The following NPFFR2 variants were observed in gnomAD, a reference collection of about 807,000 sequenced individuals.
NPFFR2 encodes the protein G-protein coupled receptor 74.
In NPFFR2, 15 loss-of-function variants were observed where a neutral mutation model predicts 13.1. The observed-to-expected ratio is 1.15, with a 90% CI of 0.77 to 1.76. The LOEUF is 1.76. Ranked by LOEUF, NPFFR2 falls within the 40% of genes most tolerant of loss-of-function variation. The pLI is 0.00. For missense variants in NPFFR2, 572 were observed against 503.5 expected (o/e 1.14, Z -1.30); for synonymous variants, 190 against 175.7 (o/e 1.08, Z -0.65).
chr4:72,140,281 C>T (rs1027970174), intron 3 of NPFFR2, among the ~76,000 whole-genome samples: 19 of 152,194 alleles, frequency 1.2e-4, no homozygotes, highest in African/African-American at 4.6e-4. Flanking sequence ...TTGGCCAGAA[C>T]TTCCAACACT....
intron 1 of NPFFR2, among the ~76,000 whole-genome samples, chr4:72,052,522 A>G (rs987735561): frequency 3.9e-5 from 6 of 152,014 alleles, no homozygotes; most frequent in Non-Finnish European, 7.4e-5. Flanking sequence ...ATCTATGACA[A>G]ACCCACAGCC....
At chr4:72,073,775 T>G (rs1039657952) in intron 1 of NPFFR2, among the ~76,000 whole-genome samples, 3 of 152,022 alleles carry the variant, frequency 2.0e-5, no homozygotes, top group African/African-American at 7.2e-5. Flanking sequence ...TGCAGAATTT[T>G]TATGTTATTA....
At chr4:72,113,939 C>G (rs1006031604) in intron 1 of NPFFR2, among the ~76,000 whole-genome samples, 19 of 152,026 alleles carry the variant, frequency 1.2e-4, no homozygotes, top group African/African-American at 4.6e-4. Flanking sequence ...TATTATAAAT[C>G]CTTAGGGTCT....
intron 1 of NPFFR2, among the ~76,000 whole-genome samples, chr4:72,038,072 A>G (rs574548782): frequency 6.6e-6 from 1 of 152,166 alleles, no homozygotes; most frequent in Non-Finnish European, 1.5e-5. Flanking sequence ...TCCTCCTTTG[A>G]CACCCTCGAG....
chr4:72,134,046 C>T (rs780435192), intron 2 of NPFFR2, among the ~76,000 whole-genome samples: 5 of 152,142 alleles, frequency 3.3e-5, no homozygotes, highest in Admixed American at 6.5e-5. Context: ...AGACAGATCA[C>T]TTGAGGCCAG....
intron 1 of NPFFR2, among the ~76,000 whole-genome samples, chr4:72,095,958 A>G (rs1219074940): frequency 6.7e-6 from 1 of 150,248 alleles, no homozygotes; most frequent in Non-Finnish European, 1.5e-5. Flanking sequence ...CCTGATGTCT[A>G]GTGTTTTAGA....
chr4:72,108,060 G>C (rs1348858069), intron 1 of NPFFR2, among the ~76,000 whole-genome samples: 1 of 151,910 alleles, frequency 6.6e-6, no homozygotes, highest in Non-Finnish European at 1.5e-5. Context: ...GGTGACTTAG[G>C]ACCCTCCTTC....
At chr4:72,104,069 T>C (rs1721337552) in intron 1 of NPFFR2, among the ~76,000 whole-genome samples, 1 of 152,038 alleles carries the variant, frequency 6.6e-6, no homozygotes, top group East Asian at 1.9e-4. Context: ...AGTCCAGAAA[T>C]TGTGAAAAAC....
chr4:72,081,754 A>T (rs1397058719), intron 1 of NPFFR2, among the ~76,000 whole-genome samples: 1 of 152,040 alleles, frequency 6.6e-6, no homozygotes, highest in Non-Finnish European at 1.5e-5. Context: ...GCCTCCAGAA[A>T]TGCTAGGATT....
At chr4:72,059,012 ACT>A (rs1719842365) in intron 1 of NPFFR2, among the ~76,000 whole-genome samples, 1 of 151,980 alleles carries the variant, frequency 6.6e-6, no homozygotes, top group African/African-American at 2.4e-5. Context: ...AATTAATGGA[ACT>A]CTCTTTCCCT....
At chr4:72,121,212 A>C (rs1360912738) in intron 1 of NPFFR2, among the ~76,000 whole-genome samples, 1 of 152,252 alleles carries the variant, frequency 6.6e-6, no homozygotes, top group Middle Eastern at 3.4e-3. Flanking sequence ...AAAAGAATGA[A>C]AAGGAACAAA....
At chr4:72,039,436 T>C (rs1719143570) in intron 1 of NPFFR2, 1 of 972,326 alleles carries the variant, frequency 1.0e-6, no homozygotes, top group African/African-American at 1.8e-5. Context: ...AATTGGGTTC[T>C]ATTATGTTAG....
rs540086455 is a variant in NPFFR2, at chr4:72,101,623, G to A, written c.-7-26962G>A. Among the ~76,000 whole-genome samples, 27 of 152,036 alleles carry A rather than the reference G, an allele frequency of 1.8e-4. No homozygotes were observed. In the South Asian group the frequency reaches 5.4e-3, roughly 30 times the overall value. On this transcript the variant is annotated intron_variant, in intron 1 of 3. Coordinates refer to ENST00000308744, the MANE Select transcript of NPFFR2 (RefSeq NM_004885.3). Reference sequence around the variant, plus strand: ...ATTAGTTGATAAAAATTTCCTAGATGAGATAAAATTTAAGTTAGGAGTTCA... The same window carrying A: ...ATTAGTTGATAAAAATTTCCTAGATAAGATAAAATTTAAGTTAGGAGTTCA...
At chr4:72,045,663 A>G (rs1719358896) in intron 1 of NPFFR2, among the ~76,000 whole-genome samples, 1 of 152,206 alleles carries the variant, frequency 6.6e-6, no homozygotes, top group Non-Finnish European at 1.5e-5. Flanking sequence ...ATTAGCCTAC[A>G]GTTGGGCAAA....
chr4:72,078,596 G>A (rs1288355735), intron 1 of NPFFR2, among the ~76,000 whole-genome samples: 1 of 152,182 alleles, frequency 6.6e-6, no homozygotes, highest in East Asian at 1.9e-4. Flanking sequence ...GACTAGAATA[G>A]CTAAAACAAC....
intron 1 of NPFFR2, among the ~76,000 whole-genome samples, chr4:72,091,204 T>G (rs1477360173): frequency 6.6e-6 from 1 of 152,108 alleles, no homozygotes; most frequent in Non-Finnish European, 1.5e-5. Flanking sequence ...AGGCGTATTA[T>G]CTTTTTGATA....
chr4:72,097,296 A>G (rs971484119), intron 1 of NPFFR2, among the ~76,000 whole-genome samples: 3 of 152,128 alleles, frequency 2.0e-5, no homozygotes, highest in Admixed American at 1.3e-4. Flanking sequence ...TGTTCCCTAC[A>G]TGAAATTTTC....
chr4:72,032,191 G>A lies in NPFFR2; in HGVS notation c.-17G>A. 1 of 1,608,104 alleles carries A rather than the reference G, an allele frequency of 6.2e-7. No individual in the cohort carries two copies. Among genetic ancestry groups the A allele is most frequent in the East Asian group, 2.2e-5 (1 of 44,752 alleles). On this transcript the variant is annotated 5_prime_UTR_variant, in exon 1 of 4. Coordinates refer to ENST00000308744, the MANE Select transcript of NPFFR2 (RefSeq NM_004885.3). The stretch of plus-strand genomic sequence containing the variant: ...CTGGTTCCTGCCGCCGACAGGGCTC[G>A]CCGGGAGAGGTAACAGCATGGGCCA...
rs574981969 is a variant in NPFFR2, at chr4:72,035,209, A to T, written c.-8+3009A>T. Among the ~76,000 whole-genome samples, 14 of 152,346 alleles carry T rather than the reference A, an allele frequency of 9.2e-5. No homozygotes were observed. In the South Asian group the frequency reaches 2.9e-3, roughly 32 times the overall value. On this transcript the variant is annotated intron_variant, in intron 1 of 3. Coordinates refer to ENST00000308744, the MANE Select transcript of NPFFR2 (RefSeq NM_004885.3). ...TGTGACATCAACACCTCATCTATAAAATGGCCTAATAGAAGAAATTAATAG... is the reference window on the plus strand; with the variant it reads ...TGTGACATCAACACCTCATCTATAATATGGCCTAATAGAAGAAATTAATAG...
Sources: allele counts gnomAD v4.1 joint callset (sites outside exome capture counted in the v4.1 genomes callset), GRCh38; gene constraint gnomAD v4.1.1; transcripts MANE v1.5; gene names NCBI Gene and HGNC (gene_info 2026-07-23, HGNC 2026-07-21).